The following LHFPL6 variants were observed in gnomAD, a reference collection of about 807,000 sequenced individuals.
LHFPL6 encodes LHFPL tetraspan subfamily member 6.
LHFPL6 carries 9 observed loss-of-function variants against 20.6 expected under a neutral mutation model. The ratio of observed to expected loss-of-function variants is 0.44; its 90% confidence interval spans 0.26 to 0.76. The LOEUF is 0.76. LHFPL6 is among the 30% of genes least tolerant of loss of function. The pLI is 0.20. For missense variants in LHFPL6, 218 were observed against 253.5 expected (o/e 0.86, Z 0.95); for synonymous variants, 105 against 98.7 (o/e 1.06, Z -0.38).
At chr13:39,497,415 T>C (rs1039061387) in intron 2 of LHFPL6, among the ~76,000 whole-genome samples, 1 of 152,188 alleles carries the variant, frequency 6.6e-6, no homozygotes, top group Admixed American at 6.5e-5. Context: ...CGCTCCTATT[T>C]ATAGGGACTA....
intron 2 of LHFPL6, among the ~76,000 whole-genome samples, chr13:39,511,759 G>T (rs1318799165): frequency 6.6e-6 from 1 of 152,204 alleles, no homozygotes; most frequent in African/African-American, 2.4e-5. Context: ...TACCTGCTAT[G>T]TATTTTTCTG....
chr13:39,415,903 C>T (rs894067772), intron 2 of LHFPL6, among the ~76,000 whole-genome samples: 3 of 152,206 alleles, frequency 2.0e-5, no homozygotes, highest in African/African-American at 7.2e-5. Flanking sequence ...CAATACTTAC[C>T]TACCTTGAGT....
intron 2 of LHFPL6, among the ~76,000 whole-genome samples, chr13:39,480,276 A>G (rs1052612906): frequency 6.6e-6 from 1 of 152,230 alleles, no homozygotes; most frequent in African/African-American, 2.4e-5. Context: ...GTATATTTAA[A>G]TGAAAGCACT....
intron 2 of LHFPL6, among the ~76,000 whole-genome samples, chr13:39,590,493 A>G (rs771844081): frequency 2.0e-5 from 3 of 152,230 alleles, no homozygotes; most frequent in Non-Finnish European, 4.4e-5. Flanking sequence ...CTGATGCTTC[A>G]AGGGAGCAAC....
At chr13:39,380,270 T>C (rs946733919) in intron 2 of LHFPL6, among the ~76,000 whole-genome samples, 2 of 152,126 alleles carry the variant, frequency 1.3e-5, no homozygotes, top group African/African-American at 4.8e-5. Context: ...GGATGACAAA[T>C]GCAGAAAGGC....
intron 2 of LHFPL6, among the ~76,000 whole-genome samples, chr13:39,581,768 T>A (rs1334563358): frequency 6.6e-6 from 1 of 152,086 alleles, no homozygotes; most frequent in Non-Finnish European, 1.5e-5. Context: ...AACTTCTCCA[T>A]CATCCTGGTC....
At chr13:39,574,590 G>C (rs1169275078) in intron 2 of LHFPL6, among the ~76,000 whole-genome samples, 1 of 151,780 alleles carries the variant, frequency 6.6e-6, no homozygotes, top group Non-Finnish European at 1.5e-5. Context: ...ATTATTCAAC[G>C]ATTTTTGCGT....
chr13:39,416,514 C>T (rs754934379), intron 2 of LHFPL6, among the ~76,000 whole-genome samples: 1 of 152,148 alleles, frequency 6.6e-6, no homozygotes, highest in Non-Finnish European at 1.5e-5. Flanking sequence ...GAATAAAATG[C>T]CTTTTCCCTT....
intron 2 of LHFPL6, among the ~76,000 whole-genome samples, chr13:39,459,465 G>A (rs1257328718): frequency 1.3e-5 from 2 of 151,934 alleles, no homozygotes; most frequent in Non-Finnish European, 2.9e-5. Context: ...AAAGCCACAA[G>A]CGGTTCCACC....
chr13:39,569,268 C>G (rs1383749186), intron 2 of LHFPL6, among the ~76,000 whole-genome samples: 3 of 152,088 alleles, frequency 2.0e-5, no homozygotes, highest in Non-Finnish European at 4.4e-5. Flanking sequence ...CCGCAAATGT[C>G]TTTGCAAACC....
intron 2 of LHFPL6, among the ~76,000 whole-genome samples, chr13:39,449,129 G>C (rs1872372887): frequency 6.6e-6 from 1 of 152,214 alleles, no homozygotes; most frequent in South Asian, 2.1e-4. Context: ...GGCTGCATGG[G>C]CCTCCAGCAC....
chr13:39,600,468 C>T (rs771738364), intron 2 of LHFPL6, among the ~76,000 whole-genome samples: 4 of 152,070 alleles, frequency 2.6e-5, no homozygotes, highest in Non-Finnish European at 5.9e-5. Flanking sequence ...TTTAAAGACC[C>T]GAGGATTCCA....
chr13:39,390,704 C>A (rs943035910), intron 2 of LHFPL6, among the ~76,000 whole-genome samples: 1 of 152,040 alleles, frequency 6.6e-6, no homozygotes, highest in African/African-American at 2.4e-5. Context: ...TTTTAAAAAT[C>A]CAATCCAAGG....
At chr13:39,405,187 T>A (rs1460973538) in intron 2 of LHFPL6, among the ~76,000 whole-genome samples, 1 of 151,294 alleles carries the variant, frequency 6.6e-6, no homozygotes, top group Non-Finnish European at 1.5e-5. Context: ...AAACTGAGCA[T>A]GGACGGTCTA....
At chr13:39,379,490 A>T (rs894382986) in intron 2 of LHFPL6, among the ~76,000 whole-genome samples, 2 of 152,206 alleles carry the variant, frequency 1.3e-5, no homozygotes, top group Non-Finnish European at 2.9e-5. Flanking sequence ...TAAATAGGAA[A>T]ATCCATTAAT....
intron 2 of LHFPL6, among the ~76,000 whole-genome samples, chr13:39,411,980 T>C (rs759259925): frequency 6.6e-6 from 1 of 152,226 alleles, no homozygotes; most frequent in Non-Finnish European, 1.5e-5. Context: ...CTTTCACTTC[T>C]GTGGGACATA....
chr13:39,438,536 C>T (rs1261496983), intron 2 of LHFPL6, among the ~76,000 whole-genome samples: 1 of 152,326 alleles, frequency 6.6e-6, no homozygotes, highest in East Asian at 1.9e-4. Context: ...GTGCTAATAT[C>T]CAAGACAATG....
intron 2 of LHFPL6, among the ~76,000 whole-genome samples, chr13:39,491,697 G>C (rs1390324291): frequency 1.3e-5 from 2 of 152,102 alleles, no homozygotes; most frequent in East Asian, 1.9e-4. Context: ...TCTAAAGTAG[G>C]GCTGTCCAAT....
intron 2 of LHFPL6, among the ~76,000 whole-genome samples, chr13:39,574,380 G>A (rs1443537790): frequency 6.6e-6 from 1 of 151,714 alleles, no homozygotes; most frequent in Admixed American, 6.6e-5. Context: ...TACTCAGGAG[G>A]CTGAGGCAGC....
Sources: gnomAD v4.1 joint callset for allele counts (sites outside exome capture counted in the v4.1 genomes callset) on GRCh38, gnomAD v4.1.1 for gene constraint, MANE v1.5 for transcripts, NCBI Gene and HGNC (gene_info 2026-07-23, HGNC 2026-07-21) for gene names.